The following ZYX variants were observed in gnomAD, a reference collection of about 807,000 sequenced individuals.
ZYX encodes zyxin.
In ZYX, 37 loss-of-function variants were observed where a neutral mutation model predicts 58.1. The ratio of observed to expected loss-of-function variants is 0.64; its 90% CI spans 0.49 to 0.84. The LOEUF is 0.84. ZYX is among the 40% of genes least tolerant of loss of function. ZYX has a pLI of 0.00. For synonymous variants in ZYX, 324 were observed against 321.1 expected (o/e 1.01, Z -0.10); for missense variants, 762 against 761.6 (o/e 1.00, Z -0.01).
In ZYX at chr7:143,387,362, C is replaced by A. The variant is rs1194203101; in HGVS notation, c.1024-857C>A. 3.3e-5 allele frequency among the ~76,000 whole-genome samples: 5 copies of A among 152,056 alleles called. No individual in the cohort carries two copies. The highest frequency in any genetic ancestry group is 7.4e-5 in the Non-Finnish European group (5 of 67,990). The stretch of plus-strand genomic sequence containing the variant: ...TGAAGGCATCTGCAGGTAGCACACT[C>A]AGTGATGGGGCCACAGTCCTGGGTA... On this transcript the variant is annotated intron_variant, in intron 5 of 9. Coordinates refer to ENST00000322764, the MANE Select transcript of ZYX (RefSeq NM_003461.5). This position sits in a 1 kb window ranked among gnomAD's most constrained non-coding sequence, Gnocchi z 5.8.
chr7:143,383,410 G>C, intron 5 of ZYX, 88 bp downstream of exon 5: 3 of 1,459,320 alleles, frequency 2.1e-6, no homozygotes, highest in Non-Finnish European at 2.7e-6. Context: ...AAGGTGATTG[G>C]AGAGTCAGGG....
In ZYX at chr7:143,384,195, G is replaced by A. The variant is rs867117118; in HGVS notation, c.1023+873G>A. The A allele has an allele frequency of 4.9e-5, 23 of 471,612 alleles. No individual in the cohort carries two copies. Among genetic ancestry groups the A allele is most frequent in the African/African-American group, 3.6e-4 (18 of 50,060 alleles). The allele number at this position is 471,612 out of a possible 1,614,324, so 29.2% of individuals were successfully genotyped here. On this transcript the variant is annotated intron_variant, in intron 5 of 9. Coordinates refer to ENST00000322764, the MANE Select transcript of ZYX (RefSeq NM_003461.5). The surrounding 1 kb of genome is among the most constrained non-coding windows in gnomAD (Gnocchi z 4.9). ...ATAGTGTTGATGTCTACCTACACTC[G>A]GACACAGCATAGGAAGAAATGCCAA... is the stretch of plus-strand genomic sequence containing the variant.
intron 2 of ZYX, 159 bp from the exon 3 acceptor site, chr7:143,382,089 C>G: frequency 1.5e-6 from 1 of 659,530 alleles, no homozygotes; most frequent in South Asian, 2.0e-5. Flanking sequence ...CTTTCCTGAC[C>G]TGGTACTCCC....
In ZYX at chr7:143,388,044, G is replaced by T; in HGVS notation, c.1024-175G>T. The T allele has an allele frequency of 1.4e-6, 1 of 692,122 alleles. No homozygotes were observed. The highest frequency in any genetic ancestry group is 1.8e-5 in the South Asian group (1 of 54,136). 42.9% of individuals were successfully genotyped at this position (692,122 alleles called of 1,614,324 possible). A position where few individuals can be genotyped will look rare whatever the true frequency, so the allele number is the denominator to read the frequency against. ...AGGTCCCTTCCCCTGTTATTTGTGT[G>T]GTGCTGGGGATGGCGGGGGTAGGGG... is the stretch of plus-strand genomic sequence containing the variant. On this transcript the variant is annotated intron_variant, in intron 5 of 9. Coordinates refer to ENST00000322764, the MANE Select transcript of ZYX (RefSeq NM_003461.5). The surrounding 1 kb of genome is among the most constrained non-coding windows in gnomAD (Gnocchi z 7.5).
Position 143,390,689 on chromosome 7 carries a change from A to C in ZYX, c.*7A>C. On this transcript the variant is annotated 3_prime_UTR_variant, in exon 10 of 10. Transcript: ENST00000322764. This position sits in a 1 kb window ranked among gnomAD's most constrained non-coding sequence, Gnocchi z 4.3. ...TGCTAGAGCCCAGACCTGAGTGAGG[A>C]CAGGCCCTCTTCAGACCGCAGTCCA... The C allele has an allele frequency of 6.4e-7, 1 of 1,567,454 alleles. No individual in the cohort carries two copies. The highest frequency in any genetic ancestry group is 8.7e-7 in the Non-Finnish European group (1 of 1,155,062).
rs1220631628 is a variant in ZYX at position 143,384,122 on chromosome 7, C to T, written c.1023+800C>T. On this transcript the variant is annotated intron_variant, in intron 5 of 9. Transcript: ENST00000322764. The surrounding 1 kb of genome is among the most constrained non-coding windows in gnomAD (Gnocchi z 4.9). ...AATAAGATCGTCCAATTTCTGGTGA[C>T]GAAGATGACCCTGATGGTCATCTAG... 3.3e-5 allele frequency: 15 copies of T among 449,788 alleles called. 1 individual carries two copies. Among genetic ancestry groups the T allele is most frequent in the Admixed American group, 1.3e-4 (5 of 38,200 alleles). 27.9% of individuals were successfully genotyped at this position (449,788 alleles called of 1,614,324 possible). A position where few individuals can be genotyped will look rare whatever the true frequency, so the allele number is the denominator to read the frequency against.
Position 143,390,046 on chromosome 7 carries a change from C to T in ZYX, c.1614+69C>T. 1 of 1,589,944 alleles carries T rather than the reference C, an allele frequency of 6.3e-7. No homozygotes were observed. Among genetic ancestry groups the T allele is most frequent in the South Asian group, 1.1e-5 (1 of 88,866 alleles). On this transcript the variant is annotated intron_variant, in intron 9 of 9. Transcript: ENST00000322764. This position sits in a 1 kb window ranked among gnomAD's most constrained non-coding sequence, Gnocchi z 4.3. The stretch of plus-strand genomic sequence containing the variant: ...GGTGGCGGGAGATGCTGCTTACTAA[C>T]TGGGAGGTGGAAAGCACCAGCATTC...
In ZYX at chr7:143,390,236, A is replaced by G; in HGVS notation, c.1614+259A>G. 1.8e-6 allele frequency: 1 copy of G among 553,636 alleles called. No homozygotes were observed. Among genetic ancestry groups the G allele is most frequent in the Admixed American group, 3.1e-5 (1 of 31,776 alleles). 34.3% of individuals were successfully genotyped at this position (553,636 alleles called of 1,614,324 possible). A position where few individuals can be genotyped will look rare whatever the true frequency, so the allele number is the denominator to read the frequency against. ...CAAGCCAATAGGAGAGAAGAAGGGC[A>G]TGGTGTTTTACCGTGGTAGGGGATG... is the stretch of plus-strand genomic sequence containing the variant. On this transcript the variant is annotated intron_variant, in intron 9 of 9. Transcript: ENST00000322764. This position sits in a 1 kb window ranked among gnomAD's most constrained non-coding sequence, Gnocchi z 4.3.
At chr7:143,382,102 GGCGCCCT>G (rs17551528) in intron 2 of ZYX, 139 bp from the exon 3 acceptor site, 44,132 of 696,644 alleles carry the variant, frequency 0.063, 2,880 homozygotes, top group East Asian at 0.26. Context: ...GTACTCCCAG[GGCGCCCT>G]GCGCCCCTCC....
rs115709507 is a variant in ZYX at position 143,385,331 on chromosome 7, A to G, written c.1023+2009A>G. ...GTGTGTCAGTGGTGTGTGTGTGTGT[A>G]TATATACACATATGTGAATATATGA... On this transcript the variant is annotated intron_variant, in intron 5 of 9. Transcript: ENST00000322764. Among the ~76,000 whole-genome samples the G allele has an allele frequency of 4.1e-3, 615 of 151,426 alleles. 6 individuals carry two copies. Among genetic ancestry groups the G allele is most frequent in the African/African-American group, 0.013 (543 of 41,222 alleles).
At chr7:143,383,986 G>A in intron 5 of ZYX, 1 of 329,692 alleles carries the variant, frequency 3.0e-6, no homozygotes. Context: ...CAGTGGTTGT[G>A]AAGATTGGGT....
At position 143,390,052 on chromosome 7, in the gene ZYX, G is replaced by A; in HGVS notation, c.1614+75G>A. On this transcript the variant is annotated intron_variant, in intron 9 of 9. Coordinates refer to ENST00000322764, the MANE Select transcript of ZYX (RefSeq NM_003461.5). This position sits in a 1 kb window ranked among gnomAD's most constrained non-coding sequence, Gnocchi z 4.3. ...GGGAGATGCTGCTTACTAACTGGGA[G>A]GTGGAAAGCACCAGCATTCAGGAAA... The A allele has an allele frequency of 1.3e-6, 2 of 1,583,668 alleles. No individual in the cohort carries two copies. The highest frequency in any genetic ancestry group is 1.7e-6 in the Non-Finnish European group (2 of 1,160,076).
intron 2 of ZYX, chr7:143,382,008 G>A (rs1483024860): frequency 3.3e-6 from 2 of 607,998 alleles, no homozygotes; most frequent in Admixed American, 3.2e-5. Context: ...TGTGGGGCAC[G>A]AATCTTCCCC....
rs1271020375 is a variant in ZYX at position 143,388,349 on chromosome 7, C to A, written c.1144+10C>A. 1 of 1,613,574 alleles carries A rather than the reference C, an allele frequency of 6.2e-7. No individual in the cohort carries two copies. The highest frequency in any genetic ancestry group is 8.5e-7 in the Non-Finnish European group (1 of 1,179,696). ...AATGTGGCTGTCAACGGTGAGCCCA[C>A]CCCACCGGGACACCCCCACCCTGCC... On this transcript the variant is annotated intron_variant, in intron 6 of 9. Coordinates refer to ENST00000322764, the MANE Select transcript of ZYX (RefSeq NM_003461.5). The surrounding 1 kb of genome is among the most constrained non-coding windows in gnomAD (Gnocchi z 7.5).
In ZYX at chr7:143,388,933, C is replaced by T. The variant is rs751760654; in HGVS notation, c.1481C>T (p.Pro494Leu). 7 of 1,609,986 alleles carry T rather than the reference C, an allele frequency of 4.3e-6. No homozygotes were observed. In the South Asian group the frequency reaches 6.6e-5, roughly 15 times the overall value. ...VDQANRPHCV[P>L]DYHKQYAPRC... ...CAGGCCAACCGGCCCCACTGTGTCCCCGACTACCACAAGTGAGGACCTGCC... is the reference window on the plus strand; with the variant it reads ...CAGGCCAACCGGCCCCACTGTGTCCTCGACTACCACAAGTGAGGACCTGCC... The change falls in exon 8 of 10, where the codon CCC (proline) becomes CTC (leucine). Residue 494 changes from proline (P) to leucine (L), a missense_variant. By Grantham distance (98) the Pro-to-Leu change is moderately conservative (BLOSUM62 -3). Coordinates refer to ENST00000322764, the MANE Select transcript of ZYX (RefSeq NM_003461.5). This position sits in a 1 kb window ranked among gnomAD's most constrained non-coding sequence, Gnocchi z 7.5.
chr7:143,382,049 G>C lies in ZYX; in HGVS notation c.209-199G>C, dbSNP rs1586560564. ...GTCCGTTTTCCGAAGTGTAACGGGA[G>C]CTGCACCACTCCTCGGCAGTGCGCC... is the stretch of plus-strand genomic sequence containing the variant. On this transcript the variant is annotated intron_variant, in intron 2 of 9. Transcript: ENST00000322764. 9.8e-6 allele frequency: 6 copies of C among 610,100 alleles called. No individual in the cohort carries two copies. In the East Asian group the frequency reaches 1.7e-4, roughly 18 times the overall value. The allele number at this position is 610,100 out of a possible 1,614,324, so 37.8% of individuals were successfully genotyped here. A position where few individuals can be genotyped will look rare whatever the true frequency, so the allele number is the denominator to read the frequency against.
chr7:143,388,780 A>G lies in ZYX; in HGVS notation c.1328A>G (p.Lys443Arg). 1.2e-6 allele frequency: 2 copies of G among 1,613,696 alleles called. No homozygotes were observed. Among genetic ancestry groups the G allele is most frequent in the African/African-American group, 1.3e-5 (1 of 75,026 alleles). The change falls in exon 8 of 10, where the codon AAG becomes AGG. Residue 443 changes from lysine (K) to arginine (R), a missense_variant. By Grantham distance (26) the Lys-to-Arg change is conservative. Coordinates refer to ENST00000322764, the MANE Select transcript of ZYX (RefSeq NM_003461.5). The surrounding 1 kb of genome is among the most constrained non-coding windows in gnomAD (Gnocchi z 7.5). ...CTGCCTCCTCAGGACACCCTGGAGA[A>G]GTGTAACACCTGCGGGGAGCCCATC... ...CEGCYTDTLE[K>R]CNTCGEPITD...
rs141009707 is a variant in ZYX, at chr7:143,382,886, C to T, written c.587C>T (p.Pro196Leu). The T allele has an allele frequency of 1.1e-5, 18 of 1,613,714 alleles. No homozygotes were observed. In the African/African-American group the frequency reaches 2.1e-4, roughly 19 times the overall value. ...STKPAAGGTA[P>L]LPPWKSPSSS... The stretch of plus-strand genomic sequence containing the variant: ...AAGCCTGCAGCCGGGGGCACAGCAC[C>T]CCTGCCTCCTTGGAAGTCCCCTTCC... Residue 196 changes from proline to leucine, a missense_variant, in exon 5 of 10, where the codon CCC becomes CTC. Pro to Leu is a moderately conservative substitution (Grantham distance 98). Transcript: ENST00000322764.
intron 5 of ZYX, among the ~76,000 whole-genome samples, chr7:143,385,773 A>G (rs1449046379): frequency 6.9e-6 from 1 of 144,338 alleles, no homozygotes; most frequent in Admixed American, 7.4e-5. Flanking sequence ...CCTCCCAAGT[A>G]GCTGGGATTA....
Sources: allele counts gnomAD v4.1 joint callset (sites outside exome capture counted in the v4.1 genomes callset), GRCh38; gene constraint gnomAD v4.1.1; non-coding constraint Gnocchi (gnomAD v3.1); transcripts MANE v1.5; gene names NCBI Gene and HGNC (gene_info 2026-07-23, HGNC 2026-07-21).